The following AMBRA1 variants were observed in gnomAD, a reference collection of about 807,000 sequenced individuals.
AMBRA1 encodes autophagy and beclin 1 regulator 1, also known as activating molecule in BECN1-regulated autophagy protein 1.
A neutral mutation model predicts 125.4 loss-of-function variants in AMBRA1; 47 were observed. That is an observed-to-expected ratio of 0.37 (90% CI 0.30 to 0.48). AMBRA1 has a LOEUF of 0.48. Ranked by LOEUF, AMBRA1 falls within the 20% of genes least tolerant of loss-of-function variation. The probability of loss-of-function intolerance (pLI) is 0.99; values close to 1 mark genes in which losing one functional copy is unlikely to be tolerated. For missense variants in AMBRA1, 1,331 were observed against 1,693.4 expected (o/e 0.79, Z 3.76); for synonymous variants, 626 against 655.5 (o/e 0.95, Z 0.69).
Position 46,397,444 on chromosome 11 carries a change from T to C in AMBRA1, c.*6A>G, listed in dbSNP as rs755757132. 1.8e-5 allele frequency: 27 copies of C among 1,488,426 alleles called. No homozygotes were observed. The highest frequency in any genetic ancestry group is 4.2e-5 in the African/African-American group (3 of 71,126). The allele number at this position is 1,488,426 out of a possible 1,614,324, so 92.2% of individuals were successfully genotyped here. On this transcript the variant is annotated 3_prime_UTR_variant, in exon 18 of 18. Transcript: ENST00000683756. Reference sequence around the variant, plus strand: ...TCGAGGGGAGGCACCAGTGCAACGTTTGTCTCTACCTGTTCCGTGGTTCTC... The same window carrying C: ...TCGAGGGGAGGCACCAGTGCAACGTCTGTCTCTACCTGTTCCGTGGTTCTC...
intron 17 of AMBRA1, 58 bp from the exon 18 acceptor site, chr11:46,398,001 C>A: frequency 6.6e-7 from 1 of 1,523,892 alleles, no homozygotes; most frequent in South Asian, 1.2e-5. Flanking sequence ...GCCTCTGAGG[C>A]AGGTGGGCAG....
At chr11:46,528,203 C>T (rs896218527) in intron 7 of AMBRA1, among the ~76,000 whole-genome samples, 4 of 152,144 alleles carry the variant, frequency 2.6e-5, no homozygotes, top group Non-Finnish European at 5.9e-5. Flanking sequence ...GATGGAGTGT[C>T]GCTTTGTCAC....
At position 46,397,923 on chromosome 11, in the gene AMBRA1, C is replaced by T; in HGVS notation, c.3424G>A (p.Ala1142Thr). Reference protein sequence around the residue: ...PGEGEGSEYGASGEDALSRIQ... With the variant: ...PGEGEGSEYGTSGEDALSRIQ... ...CTGCTGAGCGCATCTTCTCCACTGG[C>T]ACCATACTCTGAACCCTCACCTGGC... The change falls in exon 18 of 18, where the codon GCC becomes ACC. Residue 1142 changes from alanine to threonine, a missense_variant. This residue lies in a region of AMBRA1 where 354 missense variants were observed against 532.7 expected (regional missense o/e 0.66). Coordinates refer to ENST00000683756, the MANE Select transcript of AMBRA1 (RefSeq NM_001387011.1). The T allele has an allele frequency of 6.3e-7, 1 of 1,595,062 alleles. No homozygotes were observed.
intron 1 of AMBRA1, among the ~76,000 whole-genome samples, chr11:46,572,885 T>C (rs1232609992): frequency 1.3e-5 from 2 of 150,230 alleles, no homozygotes; most frequent in Non-Finnish European, 3.0e-5. Context: ...AGATCAGGAG[T>C]TCAAGACCAG....
chr11:46,479,086 T>C (rs1484504486), intron 11 of AMBRA1, among the ~76,000 whole-genome samples: 2 of 151,972 alleles, frequency 1.3e-5, no homozygotes. Flanking sequence ...TAGTCTCGGT[T>C]ACCTGGGAGG....
At chr11:46,568,390 A>G (rs1283512815) in intron 1 of AMBRA1, among the ~76,000 whole-genome samples, 1 of 151,718 alleles carries the variant, frequency 6.6e-6, no homozygotes, top group Non-Finnish European at 1.5e-5. Flanking sequence ...CCCAGGAGGC[A>G]GAGGTTGCAG....
intron 9 of AMBRA1, among the ~76,000 whole-genome samples, chr11:46,495,884 A>T (rs2134985668): frequency 6.6e-6 from 1 of 152,338 alleles, no homozygotes; most frequent in Middle Eastern, 3.4e-3. Context: ...TTATCATAAG[A>T]GGAGTTAGAA....
At chr11:46,512,227 T>C (rs1031490000) in intron 8 of AMBRA1, among the ~76,000 whole-genome samples, 1 of 152,236 alleles carries the variant, frequency 6.6e-6, no homozygotes, top group African/African-American at 2.4e-5. Context: ...ATTTACTCCT[T>C]CTTCGGTCGT....
intron 1 of AMBRA1, among the ~76,000 whole-genome samples, chr11:46,572,687 G>A (rs113236040): frequency 0.011 from 1,653 of 152,116 alleles, 14 homozygotes; most frequent in Middle Eastern, 0.061. Context: ...AGTATTTTGG[G>A]GTGTTTACTC....
intron 1 of AMBRA1, among the ~76,000 whole-genome samples, chr11:46,565,947 G>T (rs926726388): frequency 6.6e-6 from 1 of 151,578 alleles, no homozygotes; most frequent in South Asian, 2.1e-4. Context: ...AATTTTTTTT[G>T]TATTTTTCGT....
intron 9 of AMBRA1, among the ~76,000 whole-genome samples, chr11:46,507,758 G>C (rs576737668): frequency 9.2e-5 from 14 of 152,256 alleles, no homozygotes; most frequent in African/African-American, 2.6e-4. Context: ...CCGCCTCTTA[G>C]GGAAATCCAA....
At chr11:46,496,003 G>C (rs936779465) in intron 9 of AMBRA1, among the ~76,000 whole-genome samples, 1 of 152,120 alleles carries the variant, frequency 6.6e-6, no homozygotes, top group Non-Finnish European at 1.5e-5. Flanking sequence ...TGTAGTCTCA[G>C]TTACCTGGGA....
chr11:46,411,115 G>GAAAAAAAAAAAAAAAAAAAAAA, intron 15 of AMBRA1, among the ~76,000 whole-genome samples: 1 of 115,612 alleles, frequency 8.6e-6, no homozygotes, highest in Non-Finnish European at 1.9e-5. Flanking sequence ...AAAAAAAAAA[G>GAAAAAAAAAAAAAAAAAAAAAA]AAAAAAAAAA....
intron 11 of AMBRA1, among the ~76,000 whole-genome samples, chr11:46,473,743 C>T (rs1196084819): frequency 9.9e-5 from 15 of 152,238 alleles, no homozygotes; most frequent in Admixed American, 2.6e-4. Flanking sequence ...CTCCGCCTCG[C>T]GGGTTCACAC....
intron 1 of AMBRA1, among the ~76,000 whole-genome samples, chr11:46,568,456 A>AAC (rs1222215629): frequency 6.7e-6 from 1 of 148,872 alleles, no homozygotes; most frequent in Non-Finnish European, 1.5e-5. Flanking sequence ...GAAACTCAAA[A>AAC]ACAAAAAACA....
intron 1 of AMBRA1, among the ~76,000 whole-genome samples, chr11:46,550,055 G>C (rs1025338162): frequency 3.3e-5 from 5 of 152,138 alleles, no homozygotes; most frequent in Admixed American, 1.3e-4. Context: ...CTGACCTCAG[G>C]TGATCCACCC....
intron 12 of AMBRA1, among the ~76,000 whole-genome samples, chr11:46,440,957 G>C (rs943238528): frequency 7.2e-5 from 11 of 152,160 alleles, no homozygotes; most frequent in Non-Finnish European, 1.2e-4. Flanking sequence ...GCCCAGAGTG[G>C]TAATTCATAA....
intron 14 of AMBRA1, among the ~76,000 whole-genome samples, chr11:46,432,023 T>G (rs1947478305): frequency 1.3e-5 from 2 of 152,198 alleles, no homozygotes; most frequent in Non-Finnish European, 2.9e-5. Context: ...ATAAAGAGGA[T>G]GCTTTATTTT....
chr11:46,439,709 G>A (rs553565233), intron 12 of AMBRA1, among the ~76,000 whole-genome samples: 50 of 152,294 alleles, frequency 3.3e-4, no homozygotes, highest in African/African-American at 1.2e-3. Flanking sequence ...CGAATGACAA[G>A]TAGGAAGCTC....
Sources: gnomAD v4.1 joint callset for allele counts (sites outside exome capture counted in the v4.1 genomes callset) on GRCh38, gnomAD v4.1.1 for gene constraint, gnomAD v4.1.1 regional missense constraint, MANE v1.5 for transcripts, NCBI Gene and HGNC (gene_info 2026-07-23, HGNC 2026-07-21) for gene names.